The following OPCML variants were observed in gnomAD, a reference collection of about 807,000 sequenced individuals.
The protein encoded by OPCML is opioid-binding protein/cell adhesion molecule.
In OPCML, 13 loss-of-function variants were observed where a neutral mutation model predicts 37.8. The ratio of observed to expected loss-of-function variants is 0.34; its 90% CI spans 0.22 to 0.55. OPCML has a LOEUF of 0.55. Ranked by LOEUF, OPCML falls within the 20% of genes least tolerant of loss-of-function variation. The pLI, the probability that OPCML is intolerant of heterozygous loss-of-function variation, is 0.91. For missense variants in OPCML, 341 were observed against 435.6 expected (o/e 0.78, Z 1.93); for synonymous variants, 176 against 168.8 (o/e 1.04, Z -0.33).
intron 4 of OPCML, among the ~76,000 whole-genome samples, chr11:132,488,336 A>G (rs1482956231): frequency 1.3e-5 from 2 of 152,180 alleles, no homozygotes; most frequent in African/African-American, 4.8e-5. Context: ...TCTTGTGTGA[A>G]CACCCTAGAG....
intron 1 of OPCML, chr11:133,064,934 T>C (rs1393583876): frequency 6.6e-6 from 1 of 152,088 alleles, no homozygotes; most frequent in Non-Finnish European, 1.5e-5. Context: ...GCATAGTACA[T>C]GTTTAATCTG....
chr11:132,514,289 A>G (rs185258875), intron 4 of OPCML, among the ~76,000 whole-genome samples: 34 of 152,306 alleles, frequency 2.2e-4, no homozygotes, highest in Non-Finnish European at 4.4e-5. Context: ...AAAAATCAGA[A>G]GTTGAGACAG....
Position 132,644,817 on chromosome 11 carries a change from T to C in OPCML, c.379+12270A>G, listed in dbSNP as rs1941063387. ...ACACATTTATTGTTGATTGTTGGGA[T>C]GGTGGCAGATTTATTGCCAGCTTGC... On this transcript the variant is annotated intron_variant, in intron 3 of 7. Transcript: ENST00000524381. Among the ~76,000 whole-genome samples, 2 of 152,242 alleles carry C rather than the reference T, an allele frequency of 1.3e-5. 1 individual carries two copies. Among genetic ancestry groups the C allele is most frequent in the South Asian group, 4.1e-4 (2 of 4,828 alleles).
intron 3 of OPCML, among the ~76,000 whole-genome samples, chr11:132,569,070 G>T (rs940875426): frequency 3.9e-5 from 6 of 152,180 alleles, no homozygotes; most frequent in South Asian, 2.1e-4. Flanking sequence ...AGCGGGGCAG[G>T]TTCGGCACTC....
intron 2 of OPCML, among the ~76,000 whole-genome samples, chr11:132,771,031 T>C (rs905402525): frequency 1.3e-5 from 2 of 152,156 alleles, no homozygotes; most frequent in Admixed American, 6.5e-5. Flanking sequence ...GGAGTCCTGA[T>C]CGCAGGGTAG....
chr11:133,314,975 A>AGTGC (rs1943169768), intron 1 of OPCML, among the ~76,000 whole-genome samples: 1 of 126,298 alleles, frequency 7.9e-6, no homozygotes, highest in Non-Finnish European at 1.6e-5. Context: ...ACCACACCTC[A>AGTGC]GTGTGTGTGC....
intron 1 of OPCML, among the ~76,000 whole-genome samples, chr11:133,371,295 G>A (rs12272691): frequency 0.22 from 34,197 of 152,144 alleles, 5,511 homozygotes; most frequent in African/African-American, 0.45. Context: ...AAATGCAGCT[G>A]ACCTACTACT....
At chr11:132,867,844 T>A (rs932949168) in intron 2 of OPCML, among the ~76,000 whole-genome samples, 3 of 152,138 alleles carry the variant, frequency 2.0e-5, no homozygotes, top group Non-Finnish European at 4.4e-5. Context: ...GGTTTCCAAA[T>A]GAAAGGCAGT....
chr11:133,378,733 T>G lies in OPCML; in HGVS notation c.61+153531A>C, dbSNP rs185158948. Among the ~76,000 whole-genome samples the G allele has an allele frequency of 3.3e-5, 5 of 151,832 alleles. No individual in the cohort carries two copies. The East Asian group carries it at 9.7e-4, about 29-fold the overall frequency. On this transcript the variant is annotated intron_variant, in intron 1 of 7. Coordinates refer to ENST00000524381, the MANE Select transcript of OPCML (RefSeq NM_001012393.5). ...CCTTCTTTCTTTCTTTTTTTGTCTT[T>G]TTTTGTTTTGTTTTCTGGAGATAAA... is the stretch of plus-strand genomic sequence containing the variant.
intron 1 of OPCML, among the ~76,000 whole-genome samples, chr11:133,193,057 C>A (rs993322775): frequency 6.6e-6 from 1 of 151,304 alleles, no homozygotes; most frequent in African/African-American, 2.4e-5. Flanking sequence ...CCTCCCTGAC[C>A]AAAAAAAACC....
intron 1 of OPCML, among the ~76,000 whole-genome samples, chr11:133,053,764 C>T (rs1184084780): frequency 6.6e-6 from 1 of 152,188 alleles, no homozygotes; most frequent in Non-Finnish European, 1.5e-5. Flanking sequence ...CCTGCCTCAT[C>T]TCACTGAGTT....
intron 4 of OPCML, among the ~76,000 whole-genome samples, chr11:132,486,628 A>T (rs541803529): frequency 6.6e-6 from 1 of 151,110 alleles, no homozygotes; most frequent in Admixed American, 6.6e-5. Flanking sequence ...TTTTTCTGGG[A>T]TTCCTTTTCT....
intron 1 of OPCML, chr11:133,421,729 C>T (rs1187805716): frequency 1.3e-5 from 13 of 985,226 alleles, no homozygotes; most frequent in Non-Finnish European, 1.6e-5. Context: ...GATAAACATC[C>T]TAGCAAACAA....
intron 4 of OPCML, among the ~76,000 whole-genome samples, chr11:132,510,594 T>G (rs1442157740): frequency 6.6e-6 from 1 of 152,194 alleles, no homozygotes; most frequent in Non-Finnish European, 1.5e-5. Context: ...TCACAAGATC[T>G]GATGGGTTTA....
intron 2 of OPCML, among the ~76,000 whole-genome samples, chr11:132,936,442 A>T (rs1313599549): frequency 6.6e-6 from 1 of 152,132 alleles, no homozygotes; most frequent in Admixed American, 6.5e-5. Context: ...AAATTACATG[A>T]CATGTTAGGT....
chr11:133,314,113 T>C (rs1364483748), intron 1 of OPCML, among the ~76,000 whole-genome samples: 7 of 150,514 alleles, frequency 4.7e-5, no homozygotes, highest in East Asian at 3.9e-4. Context: ...CGGGCGCCTG[T>C]AGTCCCAGCT....
chr11:132,531,881 C>T (rs915469241), intron 3 of OPCML, among the ~76,000 whole-genome samples: 8 of 151,702 alleles, frequency 5.3e-5, no homozygotes, highest in African/African-American at 1.9e-4. Flanking sequence ...CTCAGAATAA[C>T]GTCGCTTCAG....
At chr11:133,355,869 G>A (rs1337368230) in intron 1 of OPCML, among the ~76,000 whole-genome samples, 1 of 152,202 alleles carries the variant, frequency 6.6e-6, no homozygotes, top group African/African-American at 2.4e-5. Flanking sequence ...GCAGTTCACA[G>A]GGTCTCTGTC....
At chr11:133,069,694 A>G (rs1191024432) in intron 1 of OPCML, among the ~76,000 whole-genome samples, 2 of 152,240 alleles carry the variant, frequency 1.3e-5, no homozygotes, top group Admixed American at 1.3e-4. Flanking sequence ...CATTGTCTCA[A>G]CAGCACTCCC....
Sources: gnomAD v4.1 joint callset for allele counts (sites outside exome capture counted in the v4.1 genomes callset) on GRCh38, gnomAD v4.1.1 for gene constraint, MANE v1.5 for transcripts, NCBI Gene and HGNC (gene_info 2026-07-23, HGNC 2026-07-21) for gene names.